Variants in NLGN1 observed in about 807,000 individuals in gnomAD.
NLGN1 encodes neuroligin-1.
A neutral mutation model predicts 65.5 loss-of-function variants in NLGN1; 12 were observed. The ratio of observed to expected loss-of-function variants is 0.18; its 90% CI spans 0.12 to 0.30. NLGN1 has a LOEUF of 0.30. Ranked by LOEUF, NLGN1 falls within the 10% of genes least tolerant of loss-of-function variation. NLGN1 has a pLI of 1.00. For synonymous variants in NLGN1, 350 were observed against 359.5 expected, an observed-to-expected ratio of 0.97 and a Z score of 0.30; for missense variants, 750 against 1,007.1, an observed-to-expected ratio of 0.74 and a Z score of 3.46.
At chr3:173,740,574 G>T (rs552034399) in intron 3 of NLGN1, among the ~76,000 whole-genome samples, 26 of 152,010 alleles carry the variant, frequency 1.7e-4, no homozygotes, top group African/African-American at 6.0e-4. Flanking sequence ...AGAAAGAGAA[G>T]AAAATAATTA....
At chr3:174,151,658 A>T (rs563628042) in intron 4 of NLGN1, among the ~76,000 whole-genome samples, 1 of 152,266 alleles carries the variant, frequency 6.6e-6, no homozygotes. Context: ...CTTGATACAG[A>T]TTTACTCAGA....
intron 4 of NLGN1, among the ~76,000 whole-genome samples, chr3:174,131,678 G>C (rs535351691): frequency 6.6e-6 from 1 of 152,130 alleles, no homozygotes; most frequent in East Asian, 1.9e-4. Context: ...CCTTAGCATT[G>C]AAGGACTCAA....
intron 4 of NLGN1, among the ~76,000 whole-genome samples, chr3:174,044,470 T>C (rs1733075460): frequency 6.6e-6 from 1 of 152,134 alleles, no homozygotes; most frequent in Admixed American, 6.5e-5. Context: ...CCTCTCCAGT[T>C]CAAAGTTCAG....
chr3:173,716,271 G>A (rs188619932), intron 3 of NLGN1, among the ~76,000 whole-genome samples: 7 of 152,212 alleles, frequency 4.6e-5, no homozygotes, highest in African/African-American at 1.4e-4. Context: ...ATGGGTCACA[G>A]ATTTTGTAGA....
intron 4 of NLGN1, among the ~76,000 whole-genome samples, chr3:174,169,955 C>G (rs183153806): frequency 1.6e-4 from 25 of 152,270 alleles, no homozygotes; most frequent in African/African-American, 4.3e-4. Flanking sequence ...ACCTGGGTTG[C>G]TCGGATTCCC....
chr3:173,583,232 C>T (rs1692893613), intron 2 of NLGN1, among the ~76,000 whole-genome samples: 1 of 152,208 alleles, frequency 6.6e-6, no homozygotes, highest in Admixed American at 6.5e-5. Context: ...CCCTTGCAAA[C>T]ACATTTTAGA....
chr3:173,731,770 A>G (rs1772890940), intron 3 of NLGN1, among the ~76,000 whole-genome samples: 1 of 152,134 alleles, frequency 6.6e-6, no homozygotes, highest in South Asian at 2.1e-4. Context: ...TAATTTACAT[A>G]GAAATATAAA....
chr3:173,467,845 C>T (rs886362194), intron 2 of NLGN1, among the ~76,000 whole-genome samples: 3 of 152,134 alleles, frequency 2.0e-5, no homozygotes, highest in African/African-American at 7.2e-5. Flanking sequence ...GCTTCACCAT[C>T]ACTTAAGGCC....
At chr3:173,852,780 G>C (rs775328897) in intron 4 of NLGN1, among the ~76,000 whole-genome samples, 4 of 151,896 alleles carry the variant, frequency 2.6e-5, no homozygotes, top group Admixed American at 6.6e-5. Context: ...TAATATTCTT[G>C]CTTACATTTG....
chr3:174,263,509 T>C (rs1055671480), intron 4 of NLGN1, among the ~76,000 whole-genome samples: 122 of 150,964 alleles, frequency 8.1e-4, no homozygotes, highest in Admixed American at 1.5e-3. Context: ...TTGCAACCCC[T>C]GCCTTTTTTT....
intron 4 of NLGN1, among the ~76,000 whole-genome samples, chr3:174,184,973 A>C (rs1413704708): frequency 6.6e-6 from 1 of 152,104 alleles, no homozygotes; most frequent in Non-Finnish European, 1.5e-5. Flanking sequence ...CCACAGATCC[A>C]AGGGCAGGAA....
At chr3:173,797,509 C>T (rs551267452) in intron 3 of NLGN1, among the ~76,000 whole-genome samples, 1 of 151,894 alleles carries the variant, frequency 6.6e-6, no homozygotes, top group Admixed American at 6.6e-5. Context: ...TAATCATATC[C>T]CCATGATGCT....
intron 4 of NLGN1, among the ~76,000 whole-genome samples, chr3:173,951,390 A>G (rs1748177339): frequency 6.6e-6 from 1 of 152,078 alleles, no homozygotes; most frequent in African/African-American, 2.4e-5. Flanking sequence ...CTCTGAAGCC[A>G]CAAATTGGTC....
intron 2 of NLGN1, among the ~76,000 whole-genome samples, chr3:173,594,500 T>C (rs1044570542): frequency 1.3e-5 from 2 of 152,234 alleles, no homozygotes; most frequent in South Asian, 4.1e-4. Context: ...CCAACCTCCC[T>C]CCCAGCTGCT....
rs550857356 is a variant in NLGN1 at position 173,747,504 on chromosome 3, T to C, written c.494-60176T>C. ...ATAAGTGAATCCATCTTTCTTAGGA[T>C]GGTTTGTCCCTGCATTGTTGATTGG... On this transcript the variant is annotated intron_variant, in intron 3 of 6. Coordinates refer to ENST00000457714, the Ensembl canonical transcript of NLGN1. Among the ~76,000 whole-genome samples the C allele has an allele frequency of 6.0e-5, 9 of 150,252 alleles. No individual in the cohort carries two copies. The East Asian group carries it at 1.8e-3, about 29-fold the overall frequency.
At position 174,031,368 on chromosome 3, in the gene NLGN1, A is replaced by C. The variant is rs578232985; in HGVS notation, c.646+223536A>C. 2.4e-4 allele frequency among the ~76,000 whole-genome samples: 37 copies of C among 152,338 alleles called. No homozygotes were observed. The South Asian group carries it at 7.5e-3, about 31-fold the overall frequency. On this transcript the variant is annotated intron_variant, in intron 4 of 6. Coordinates refer to ENST00000457714, the Ensembl canonical transcript of NLGN1. ...TCCTAAAGAGAAGCCCAGAGTTGGC[A>C]AGCCTCATCCACTGAGCTTTTCATC...
At chr3:174,024,155 A>C (rs910577561) in intron 4 of NLGN1, among the ~76,000 whole-genome samples, 6 of 151,516 alleles carry the variant, frequency 4.0e-5, no homozygotes, top group Admixed American at 2.0e-4. Flanking sequence ...AAAAAAAAAA[A>C]AAAAAAAAAA....
At chr3:173,516,737 G>A (rs1577064634) in intron 2 of NLGN1, among the ~76,000 whole-genome samples, 1 of 152,072 alleles carries the variant, frequency 6.6e-6, no homozygotes, top group Middle Eastern at 3.4e-3. Flanking sequence ...TATTTTCATG[G>A]TATTCTCTAT....
intron 2 of NLGN1, among the ~76,000 whole-genome samples, chr3:173,448,068 G>A (rs902084338): frequency 4.6e-5 from 7 of 152,110 alleles, no homozygotes; most frequent in African/African-American, 1.7e-4. Flanking sequence ...TCTCCTGCCT[G>A]ATTGCCCTGG....
Sources: gnomAD v4.1 joint callset for allele counts (sites outside exome capture counted in the v4.1 genomes callset) on GRCh38, gnomAD v4.1.1 for gene constraint, MANE v1.5 for transcripts, NCBI Gene and HGNC (gene_info 2026-07-23, HGNC 2026-07-21) for gene names.